The following KCTD16 variants were observed in gnomAD, a reference collection of about 807,000 sequenced individuals.
The protein encoded by KCTD16 is potassium channel tetramerization domain containing 16.
A neutral mutation model predicts 33.2 loss-of-function variants in KCTD16; 13 were observed. The ratio of observed to expected loss-of-function variants is 0.39; its 90% CI spans 0.25 to 0.62. KCTD16 has a LOEUF of 0.62. Among genes scored for constraint, KCTD16 ranks in the 20% least tolerant of loss-of-function variants. The pLI is 0.50. For missense variants in KCTD16, 441 were observed against 525.1 expected (o/e 0.84, Z 1.57); for synonymous variants, 197 against 195.3 (o/e 1.01, Z -0.07).
At chr5:144,322,999 A>G (rs999972686) in intron 3 of KCTD16, among the ~76,000 whole-genome samples, 1 of 152,148 alleles carries the variant, frequency 6.6e-6, no homozygotes, top group South Asian at 2.1e-4. Context: ...CCATTGGTCA[A>G]TTCTTCTTCA....
chr5:144,270,209 A>G (rs1285312519), intron 3 of KCTD16, among the ~76,000 whole-genome samples: 1 of 152,006 alleles, frequency 6.6e-6, no homozygotes, highest in Admixed American at 6.6e-5. Context: ...GAATAAAGAC[A>G]CAAGATCCAA....
At chr5:144,201,228 A>G (rs1435061764) in intron 2 of KCTD16, among the ~76,000 whole-genome samples, 1 of 152,180 alleles carries the variant, frequency 6.6e-6, no homozygotes, top group East Asian at 1.9e-4. Context: ...GTTACCAGGG[A>G]AATAATCTTG....
At chr5:144,439,921 C>T (rs149957109) in intron 3 of KCTD16, among the ~76,000 whole-genome samples, 41 of 151,086 alleles carry the variant, frequency 2.7e-4, no homozygotes, top group African/African-American at 8.8e-4. Flanking sequence ...TGTTAAAATC[C>T]TTGATTAAAG....
intron 2 of KCTD16, among the ~76,000 whole-genome samples, chr5:144,199,819 C>T (rs1396465729): frequency 1.4e-5 from 2 of 146,284 alleles, no homozygotes; most frequent in East Asian, 2.1e-4. Context: ...CGGGTTCAAG[C>T]GATTCCCCTG....
rs1753177461 is a variant in KCTD16, at chr5:144,206,571, G to A, written c.-144G>A. ...CTCTTATACATTTTGATTTCTTGGG[G>A]GAAAAATACTGGGATAAGAGGAGGT... On this transcript the variant is annotated 5_prime_UTR_variant, in exon 3 of 4. Coordinates refer to ENST00000512467, the MANE Select transcript of KCTD16 (RefSeq NM_020768.4). 1 of 693,558 alleles carries A rather than the reference G, an allele frequency of 1.4e-6. No homozygotes were observed. The highest frequency in any genetic ancestry group is 2.4e-6 in the Non-Finnish European group (1 of 415,738). The allele number at this position is 693,558 out of a possible 1,614,324, so 43.0% of individuals were successfully genotyped here.
chr5:144,390,700 C>T (rs144831410), intron 3 of KCTD16, among the ~76,000 whole-genome samples: 25 of 151,998 alleles, frequency 1.6e-4, no homozygotes, highest in African/African-American at 6.0e-4. Context: ...CGACGGGCCC[C>T]GGTGTGTGAT....
intron 3 of KCTD16, among the ~76,000 whole-genome samples, chr5:144,299,898 T>TAAAAAAAAAAAAAA (rs66821172): frequency 4.7e-5 from 6 of 128,850 alleles, no homozygotes; most frequent in Admixed American, 7.8e-5. Context: ...CAGAATCATT[T>TAAAAAAAAAAAAAA]AAAAAAAAAA....
intron 3 of KCTD16, among the ~76,000 whole-genome samples, chr5:144,359,096 T>A (rs1227431489): frequency 6.6e-6 from 1 of 152,176 alleles, no homozygotes; most frequent in Non-Finnish European, 1.5e-5. Flanking sequence ...ATTTTTCAAA[T>A]GAGAAAAGAC....
chr5:144,249,127 C>T (rs1754628025), intron 3 of KCTD16, among the ~76,000 whole-genome samples: 1 of 152,176 alleles, frequency 6.6e-6, no homozygotes, highest in Non-Finnish European at 1.5e-5. Context: ...TACCTTGCAA[C>T]ACCCTCGTCT....
intron 3 of KCTD16, among the ~76,000 whole-genome samples, chr5:144,234,170 G>A (rs1056083350): frequency 4.6e-5 from 7 of 152,104 alleles, no homozygotes; most frequent in African/African-American, 1.4e-4. Flanking sequence ...GAGGAAATGA[G>A]TTATTTTTGT....
chr5:144,357,539 T>C (rs1476013726), intron 3 of KCTD16, among the ~76,000 whole-genome samples: 3 of 152,176 alleles, frequency 2.0e-5, no homozygotes, highest in Non-Finnish European at 4.4e-5. Flanking sequence ...TGCCTGGTGC[T>C]ATAGTAGAGT....
At chr5:144,454,926 T>C (rs1254299790) in intron 3 of KCTD16, among the ~76,000 whole-genome samples, 1 of 152,184 alleles carries the variant, frequency 6.6e-6, no homozygotes, top group African/African-American at 2.4e-5. Flanking sequence ...GGTATCTACA[T>C]GTGCAGACAT....
At chr5:144,348,992 G>A (rs750181032) in intron 3 of KCTD16, among the ~76,000 whole-genome samples, 1 of 152,124 alleles carries the variant, frequency 6.6e-6, no homozygotes, top group African/African-American at 2.4e-5. Context: ...GTAGGTGAGG[G>A]CTTCTCAGTT....
chr5:144,419,602 C>G (rs1753163462), intron 3 of KCTD16, among the ~76,000 whole-genome samples: 1 of 152,122 alleles, frequency 6.6e-6, no homozygotes, highest in Non-Finnish European at 1.5e-5. Flanking sequence ...CTTTTATTTC[C>G]AGCTGTTACT....
chr5:144,243,749 G>GT (rs926903747), intron 3 of KCTD16, among the ~76,000 whole-genome samples: 115 of 151,198 alleles, frequency 7.6e-4, no homozygotes, highest in African/African-American at 2.3e-3. Context: ...TTTTTGTTTT[G>GT]TTTTTTTTAG....
chr5:144,366,312 A>T (rs1204073774), intron 3 of KCTD16, among the ~76,000 whole-genome samples: 1 of 152,146 alleles, frequency 6.6e-6, no homozygotes, highest in Non-Finnish European at 1.5e-5. Flanking sequence ...AGTCTTGTTG[A>T]TCTGTGGATC....
At chr5:144,371,914 C>T (rs534163175) in intron 3 of KCTD16, among the ~76,000 whole-genome samples, 1 of 152,186 alleles carries the variant, frequency 6.6e-6, no homozygotes, top group Admixed American at 6.6e-5. Flanking sequence ...CTCTAGCTGT[C>T]AGTGGGTTCT....
At chr5:144,436,914 TTAAG>T (rs1753593146) in intron 3 of KCTD16, among the ~76,000 whole-genome samples, 1 of 152,140 alleles carries the variant, frequency 6.6e-6, no homozygotes, top group Admixed American at 6.5e-5. Context: ...TTTTTAAGGA[TTAAG>T]TTTCTTTTTG....
At chr5:144,249,795 C>G (rs1379581443) in intron 3 of KCTD16, among the ~76,000 whole-genome samples, 1 of 152,128 alleles carries the variant, frequency 6.6e-6, no homozygotes, top group Non-Finnish European at 1.5e-5. Flanking sequence ...CAAGGTTACT[C>G]TGCATTTAAA....
Sources: gnomAD v4.1 joint callset for allele counts (sites outside exome capture counted in the v4.1 genomes callset) on GRCh38, gnomAD v4.1.1 for gene constraint, MANE v1.5 for transcripts, NCBI Gene and HGNC (gene_info 2026-07-23, HGNC 2026-07-21) for gene names.